PARD6G: variants seen among roughly 807,000 people sequenced by gnomAD.
PARD6G encodes partitioning defective 6 homolog gamma.
A neutral mutation model predicts 10.7 loss-of-function variants in PARD6G; 7 were observed. That is an observed-to-expected ratio of 0.66 (90% CI 0.37 to 1.23). The LOEUF is 1.23. Ranked by LOEUF, PARD6G falls within the 50% of genes most tolerant of loss-of-function variation. PARD6G has a pLI of 0.02. For synonymous variants in PARD6G, 287 were observed against 269.4 expected, an observed-to-expected ratio of 1.07 and a Z score of -0.64; for missense variants, 548 against 571.8, an observed-to-expected ratio of 0.96 and a Z score of 0.42.
intron 2 of PARD6G, among the ~76,000 whole-genome samples, chr18:80,193,961 G>A (rs996270618): frequency 5.9e-5 from 9 of 152,296 alleles, no homozygotes; most frequent in Non-Finnish European, 1.0e-4. Flanking sequence ...CCTCCAGGCT[G>A]AATCATTTTC....
chr18:80,219,567 T>C (rs112190408), intron 1 of PARD6G, among the ~76,000 whole-genome samples: 3,906 of 152,258 alleles, frequency 0.026, 159 homozygotes, highest in African/African-American at 0.089. Flanking sequence ...TATGCTCTGG[T>C]TCCTCTTGAA....
intron 1 of PARD6G, among the ~76,000 whole-genome samples, chr18:80,223,673 A>G (rs1266550872): frequency 1.3e-5 from 2 of 152,244 alleles, no homozygotes; most frequent in Admixed American, 1.3e-4. Context: ...CAAAATGTTG[A>G]GTTACCATGT....
chr18:80,182,154 C>T lies in PARD6G; in HGVS notation c.295+20556G>A, dbSNP rs374095894. Among the ~76,000 whole-genome samples, 1 of 152,238 alleles carries T rather than the reference C, an allele frequency of 6.6e-6. No individual in the cohort carries two copies. The highest frequency in any genetic ancestry group is 1.5e-5 in the Non-Finnish European group (1 of 68,048). ...TGGGCCCCTCCCACTTCCACAACTG[C>T]GACCTTGTCTTTGACCTTGAACTTC... On this transcript the variant is annotated intron_variant, in intron 2 of 2. Transcript: ENST00000353265. The surrounding 1 kb of genome is among the most constrained non-coding windows in gnomAD (Gnocchi z 4.5).
In PARD6G at chr18:80,198,876, A is replaced by T. The variant is rs1966982207; in HGVS notation, c.295+3834T>A. Among the ~76,000 whole-genome samples the T allele has an allele frequency of 1.3e-5, 2 of 152,196 alleles. 1 individual carries two copies. The highest frequency in any genetic ancestry group is 4.1e-4 in the South Asian group (2 of 4,830). ...CCTGGTAAGGTAGACAGTCCTTTCT[A>T]TTTTTAACAGCTTTATTCCGAAATA... is the stretch of plus-strand genomic sequence containing the variant. On this transcript the variant is annotated intron_variant, in intron 2 of 2. Transcript: ENST00000353265.
chr18:80,210,932 A>G (rs867268646), intron 1 of PARD6G, among the ~76,000 whole-genome samples: 11 of 138,186 alleles, frequency 8.0e-5, no homozygotes, highest in African/African-American at 1.4e-4. Flanking sequence ...CATTCCTTTG[A>G]GTCAATACAT....
At chr18:80,162,065 T>C (rs1214379732) in intron 2 of PARD6G, 1 of 152,234 alleles carries the variant, frequency 6.6e-6, no homozygotes, top group Non-Finnish European at 1.5e-5. Flanking sequence ...TAGCACAGGC[T>C]CTGGCACATG....
intron 1 of PARD6G, among the ~76,000 whole-genome samples, chr18:80,215,657 G>C (rs1416430542): frequency 1.3e-5 from 2 of 151,894 alleles, no homozygotes; most frequent in Non-Finnish European, 2.9e-5. Flanking sequence ...AAACAACAAA[G>C]AAATAAAACT....
At chr18:80,222,264 A>G (rs1043314220) in intron 1 of PARD6G, among the ~76,000 whole-genome samples, 1 of 151,230 alleles carries the variant, frequency 6.6e-6, no homozygotes, top group African/African-American at 2.4e-5. Context: ...TTTTTTTTTA[A>G]TTTTGTAGAG....
rs944543748 is a variant in PARD6G, at chr18:80,231,486, C to A, written c.72+15791G>T. ...TGCAGGCTGGGTCACTGGAGTTGTA[C>A]AAATACAGACAGACAACATAGCAAA... On this transcript the variant is annotated intron_variant, in intron 1 of 2. Transcript: ENST00000353265. This position sits in a 1 kb window ranked among gnomAD's most constrained non-coding sequence, Gnocchi z 4.2. Among the ~76,000 whole-genome samples, 3 of 152,122 alleles carry A rather than the reference C, an allele frequency of 2.0e-5. No individual in the cohort carries two copies. Among genetic ancestry groups the A allele is most frequent in the Non-Finnish European group, 4.4e-5 (3 of 68,020 alleles).
chr18:80,166,266 C>A (rs1477125782), intron 2 of PARD6G, among the ~76,000 whole-genome samples: 1 of 151,116 alleles, frequency 6.6e-6, no homozygotes, highest in African/African-American at 2.5e-5. Flanking sequence ...CAGCACACCA[C>A]CCCAATCATG....
At position 80,231,029 on chromosome 18, in the gene PARD6G, G is replaced by A. The variant is rs1477485373; in HGVS notation, c.72+16248C>T. On this transcript the variant is annotated intron_variant, in intron 1 of 2. Transcript: ENST00000353265. This position sits in a 1 kb window ranked among gnomAD's most constrained non-coding sequence, Gnocchi z 4.2. ...AAGACCTAAAGAGCTACAGTGATGG[G>A]AGAGAGAATTCCAAATGGAAGGTCA... 6.6e-6 allele frequency among the ~76,000 whole-genome samples: 1 copy of A among 152,252 alleles called. No individual in the cohort carries two copies. Among genetic ancestry groups the A allele is most frequent in the East Asian group, 1.9e-4 (1 of 5,196 alleles).
chr18:80,205,387 T>C (rs1197422884), intron 1 of PARD6G, among the ~76,000 whole-genome samples: 1 of 152,214 alleles, frequency 6.6e-6, no homozygotes, highest in Non-Finnish European at 1.5e-5. Context: ...CCATCTCACA[T>C]AGCTCATATA....
rs2052863233 is a variant in PARD6G, at chr18:80,184,480, C to CGGGAGCAAGGCAGTGAAACCCTCAGA, written c.295+18229_295+18230insTCTGAGGGTTTCACTGCCTTGCTCCC. ...GGGAGCAAGGCCGTGAAACCTGCAG[C>CGGGAGCAAGGCAGTGAAACCCTCAGA]GGGAGCAAGGCGGTGAAACCCGCAG... On this transcript the variant is annotated intron_variant, in intron 2 of 2. Transcript: ENST00000353265. The surrounding 1 kb of genome is among the most constrained non-coding windows in gnomAD (Gnocchi z 4.5). The CGGGAGCAAGGCAGTGAAACCCTCAGA allele has an allele frequency of 6.6e-6, 1 of 151,514 alleles. No homozygotes were observed. Among genetic ancestry groups the CGGGAGCAAGGCAGTGAAACCCTCAGA allele is most frequent in the Non-Finnish European group, 1.5e-5 (1 of 68,108 alleles). 9.4% of individuals were successfully genotyped at this position (151,514 alleles called of 1,614,324 possible).
intron 1 of PARD6G, among the ~76,000 whole-genome samples, chr18:80,212,043 C>T (rs780596550): frequency 6.6e-6 from 1 of 152,134 alleles, no homozygotes; most frequent in Non-Finnish European, 1.5e-5. Flanking sequence ...TATTTCACTA[C>T]AATACTGATA....
chr18:80,235,203 C>G (rs1208846524), intron 1 of PARD6G, among the ~76,000 whole-genome samples: 1 of 152,190 alleles, frequency 6.6e-6, no homozygotes, highest in Non-Finnish European at 1.5e-5. Flanking sequence ...GATTAAGAAA[C>G]TCACTCAAAA....
At position 80,159,814 on chromosome 18, in the gene PARD6G, G is replaced by A. The variant is rs536935289; in HGVS notation, c.1088C>T (p.Pro363Leu). 22 of 1,466,724 alleles carry A rather than the reference G, an allele frequency of 1.5e-5. No individual in the cohort carries two copies. Among genetic ancestry groups the A allele is most frequent in the Non-Finnish European group, 1.7e-5 (19 of 1,114,690 alleles). 90.9% of individuals were successfully genotyped at this position (1,466,724 alleles called of 1,614,324 possible). A position where few individuals can be genotyped will look rare whatever the true frequency, so the allele number is the denominator to read the frequency against. The change falls in exon 3 of 3, where the codon CCG becomes CTG. Residue 363 changes from proline (P) to leucine (L), a missense_variant. Coordinates refer to ENST00000353265, the MANE Select transcript of PARD6G (RefSeq NM_032510.4). ...CCCGTGCTCCTCCACGCCGCCTGGC[G>A]GCAGCGCCAGGCTGTGACGGGGGTC... is the stretch of plus-strand genomic sequence containing the variant. ...RADPRHSLAL[P>L]PGGVEEHGPA... is the part of the protein sequence containing the mutation.
intron 1 of PARD6G, among the ~76,000 whole-genome samples, chr18:80,206,216 C>A (rs1034971662): frequency 1.3e-5 from 2 of 152,178 alleles, no homozygotes; most frequent in African/African-American, 4.8e-5. Context: ...ACTTTGCCAA[C>A]CCAGCTATAT....
Position 80,160,169 on chromosome 18 carries a change from C to T in PARD6G, c.733G>A (p.Val245Ile), listed in dbSNP as rs1222618346. 8.7e-6 allele frequency: 14 copies of T among 1,613,308 alleles called. No individual in the cohort carries two copies. The highest frequency in any genetic ancestry group is 1.2e-5 in the Non-Finnish European group (14 of 1,179,816). The stretch of plus-strand genomic sequence containing the variant: ...CGCTGGTTGGCGGGCTTGACGGTGA[C>T]GATGAGGTTGTGGCTGTTGGCGATC... ...MMIANSHNLI[V>I]TVKPANQRNN... The change falls in exon 3 of 3, where the codon GTC (valine) becomes ATC (isoleucine). Residue 245 changes from valine (V) to isoleucine (I), a missense_variant. This residue lies in a region of PARD6G where 313 missense variants were observed against 279.9 expected (regional missense o/e 1.12). Coordinates refer to ENST00000353265, the MANE Select transcript of PARD6G (RefSeq NM_032510.4).
In PARD6G at chr18:80,201,240, G is replaced by A. The variant is rs1350619588; in HGVS notation, c.295+1470C>T. Among the ~76,000 whole-genome samples the A allele has an allele frequency of 6.6e-6, 1 of 152,126 alleles. No individual in the cohort carries two copies. Among genetic ancestry groups the A allele is most frequent in the Admixed American group, 6.5e-5 (1 of 15,274 alleles). On this transcript the variant is annotated intron_variant, in intron 2 of 2. Coordinates refer to ENST00000353265, the MANE Select transcript of PARD6G (RefSeq NM_032510.4). The surrounding 1 kb of genome is among the most constrained non-coding windows in gnomAD (Gnocchi z 5.9). ...AGCAGCTGAGACCAGGCCTTCCTGAGAAGGCAGCCTGTGAACAGATACAGA... is the reference window on the plus strand; with the variant it reads ...AGCAGCTGAGACCAGGCCTTCCTGAAAAGGCAGCCTGTGAACAGATACAGA...
Sources: allele counts gnomAD v4.1 joint callset (sites outside exome capture counted in the v4.1 genomes callset), GRCh38; gene constraint gnomAD v4.1.1; regional missense constraint gnomAD v4.1.1; non-coding constraint Gnocchi (gnomAD v3.1); transcripts MANE v1.5; gene names NCBI Gene and HGNC (gene_info 2026-07-23, HGNC 2026-07-21).